LRP1B: variants seen among roughly 807,000 people sequenced by gnomAD.
LRP1B encodes the protein LDL receptor related protein 1B, also known as low-density lipoprotein receptor-related protein 1B.
LRP1B carries 217 observed loss-of-function variants against 556.6 expected under a neutral mutation model. The ratio of observed to expected loss-of-function variants is 0.39; its 90% CI spans 0.35 to 0.44. LRP1B has a LOEUF of 0.44. LRP1B is among the 20% of genes least tolerant of loss of function. The pLI, the probability that LRP1B is intolerant of heterozygous loss-of-function variation, is 1.00. For missense variants in LRP1B, 5,053 were observed against 5,620.8 expected, an observed-to-expected ratio of 0.90 and a Z score of 3.23; for synonymous variants, 2,047 against 1,865.8, an observed-to-expected ratio of 1.10 and a Z score of -2.50.
intron 1 of LRP1B, among the ~76,000 whole-genome samples, chr2:141,882,299 A>C (rs1253347358): frequency 1.3e-5 from 2 of 152,082 alleles, no homozygotes; most frequent in Non-Finnish European, 2.9e-5. Flanking sequence ...CCATTACCCC[A>C]CTATACTTCA....
intron 83 of LRP1B, among the ~76,000 whole-genome samples, chr2:140,305,156 T>C (rs183056553): frequency 6.6e-6 from 1 of 152,304 alleles, no homozygotes; most frequent in African/African-American, 2.4e-5. Context: ...TTTGGTTCCA[T>C]ATGAACTTTA....
At chr2:140,633,816 C>G (rs567889446) in intron 41 of LRP1B, among the ~76,000 whole-genome samples, 3 of 152,094 alleles carry the variant, frequency 2.0e-5, no homozygotes, top group Admixed American at 1.3e-4. Flanking sequence ...CAATAATTTT[C>G]TGAGAAAGAA....
chr2:140,992,622 CTTCTTT>C (rs1428362577), intron 16 of LRP1B: 2 of 152,076 alleles, frequency 1.3e-5, no homozygotes, highest in African/African-American at 4.8e-5. Flanking sequence ...CTACTCCTTC[CTTCTTT>C]TTAATTATTG....
chr2:141,709,659 G>A (rs563638355), intron 2 of LRP1B, among the ~76,000 whole-genome samples: 64 of 152,300 alleles, frequency 4.2e-4, no homozygotes, highest in African/African-American at 1.5e-3. Flanking sequence ...TTTTCTGAGA[G>A]TAGATTGATA....
At chr2:140,720,277 A>T (rs1459053667) in intron 35 of LRP1B, among the ~76,000 whole-genome samples, 1 of 152,010 alleles carries the variant, frequency 6.6e-6, no homozygotes, top group Non-Finnish European at 1.5e-5. Context: ...AAAATAAACT[A>T]TCTTAAGACA....
At chr2:141,947,659 G>A (rs1237375829) in intron 1 of LRP1B, among the ~76,000 whole-genome samples, 2 of 152,056 alleles carry the variant, frequency 1.3e-5, no homozygotes, top group Non-Finnish European at 2.9e-5. Flanking sequence ...TTCTCTTTAA[G>A]TATTAGGATT....
chr2:141,282,183 G>A (rs1472196629), intron 3 of LRP1B, among the ~76,000 whole-genome samples: 1 of 151,948 alleles, frequency 6.6e-6, no homozygotes, highest in Non-Finnish European at 1.5e-5. Context: ...GGGATTACAG[G>A]GGAGACTAAA....
At chr2:140,970,189 C>G (rs1000707858) in intron 18 of LRP1B, among the ~76,000 whole-genome samples, 5 of 152,276 alleles carry the variant, frequency 3.3e-5, no homozygotes, top group African/African-American at 1.2e-4. Context: ...TCTTTTCACA[C>G]AGTCCCATAT....
intron 2 of LRP1B, among the ~76,000 whole-genome samples, chr2:141,636,424 T>C (rs918124789): frequency 6.6e-6 from 1 of 152,096 alleles, no homozygotes; most frequent in African/African-American, 2.4e-5. Flanking sequence ...ATGAGATAAA[T>C]GTTCATTCAC....
chr2:140,835,876 C>T (rs573490575), intron 31 of LRP1B, among the ~76,000 whole-genome samples: 2 of 152,244 alleles, frequency 1.3e-5, no homozygotes, highest in South Asian at 4.1e-4. Context: ...TGCAGGACTC[C>T]TGCGTCCATG....
rs1687946087 is a variant in LRP1B, at chr2:141,607,201, CA to C, written c.206-126669del. Among the ~76,000 whole-genome samples the C allele has an allele frequency of 2.0e-5, 3 of 151,648 alleles. No individual in the cohort carries two copies. The South Asian group carries it at 6.2e-4, about 32-fold the overall frequency. Reference sequence around the variant, plus strand: ...ATAGAAAATCGTTCTCAACATTTCTCAAAACAGACATAAGTGAGTGCATACC... The same window carrying C: ...ATAGAAAATCGTTCTCAACATTTCTCAAACAGACATAAGTGAGTGCATACC... On this transcript the variant is annotated intron_variant, in intron 2 of 90. Coordinates refer to ENST00000389484, the MANE Select transcript of LRP1B (RefSeq NM_018557.3).
intron 3 of LRP1B, among the ~76,000 whole-genome samples, chr2:141,433,934 C>T (rs938908040): frequency 6.7e-6 from 1 of 150,310 alleles, no homozygotes; most frequent in Non-Finnish European, 1.5e-5. Flanking sequence ...ATTTCACTAT[C>T]TAATGGTCTC....
intron 2 of LRP1B, among the ~76,000 whole-genome samples, chr2:141,804,934 A>G (rs1476398542): frequency 6.6e-6 from 1 of 152,102 alleles, no homozygotes; most frequent in East Asian, 1.9e-4. Flanking sequence ...TCTCCTATGC[A>G]GCAGAAGCCA....
intron 41 of LRP1B, among the ~76,000 whole-genome samples, chr2:140,667,673 T>G (rs1019028915): frequency 2.0e-5 from 3 of 152,220 alleles, no homozygotes; most frequent in Non-Finnish European, 4.4e-5. Flanking sequence ...TACACAGATA[T>G]TTTTATTCTT....
intron 23 of LRP1B, among the ~76,000 whole-genome samples, chr2:140,891,182 A>G (rs564608771): frequency 6.6e-6 from 1 of 152,164 alleles, no homozygotes; most frequent in South Asian, 2.1e-4. Flanking sequence ...TTTCATTTTT[A>G]TAAATCTAGT....
chr2:140,975,831 A>C (rs1265723168), intron 18 of LRP1B, among the ~76,000 whole-genome samples: 3 of 152,224 alleles, frequency 2.0e-5, no homozygotes, highest in Non-Finnish European at 4.4e-5. Flanking sequence ...TGTGTAAACT[A>C]TCTTTGATAC....
chr2:140,422,051 G>T (rs1362635944), intron 66 of LRP1B, among the ~76,000 whole-genome samples: 2 of 152,098 alleles, frequency 1.3e-5, no homozygotes, highest in Non-Finnish European at 2.9e-5. Context: ...TGATTAGGAG[G>T]GAAGGTAGTA....
intron 41 of LRP1B, among the ~76,000 whole-genome samples, chr2:140,610,184 A>G (rs943507126): frequency 6.6e-6 from 1 of 150,980 alleles, no homozygotes; most frequent in Non-Finnish European, 1.5e-5. Flanking sequence ...CTAAAATTTT[A>G]TGTGTTGTTT....
chr2:141,248,152 C>T (rs532766030), intron 4 of LRP1B, among the ~76,000 whole-genome samples: 1 of 152,248 alleles, frequency 6.6e-6, no homozygotes, highest in Non-Finnish European at 1.5e-5. Flanking sequence ...CCTCTGGTAT[C>T]CAGTTCAAAT....
Sources: gnomAD v4.1 joint callset for allele counts (sites outside exome capture counted in the v4.1 genomes callset) on GRCh38, gnomAD v4.1.1 for gene constraint, MANE v1.5 for transcripts, NCBI Gene and HGNC (gene_info 2026-07-23, HGNC 2026-07-21) for gene names.